The following FOXJ3 variants were observed in gnomAD, a reference collection of about 807,000 sequenced individuals.
FOXJ3 encodes the protein forkhead box J3.
Under a neutral mutation model 76.1 loss-of-function variants are expected in FOXJ3, and 22 were observed. That is an observed-to-expected ratio of 0.29 (90% CI 0.21 to 0.41). The LOEUF is 0.41. FOXJ3 is among the 10% of genes least tolerant of loss of function. The pLI, the probability that FOXJ3 is intolerant of heterozygous loss-of-function variation, is 1.00. For missense variants in FOXJ3, 613 were observed against 762.1 expected (o/e 0.80, Z 2.30); for synonymous variants, 269 against 261.2 (o/e 1.03, Z -0.29).
At chr1:42,204,783 A>G (rs559842766) in intron 6 of FOXJ3, among the ~76,000 whole-genome samples, 1 of 151,798 alleles carries the variant, frequency 6.6e-6, no homozygotes, top group South Asian at 2.1e-4. Context: ...ATGTGGGAAG[A>G]ATCATTCCTC....
intron 1 of FOXJ3, among the ~76,000 whole-genome samples, chr1:42,320,098 A>T (rs3768261): frequency 6.6e-6 from 1 of 152,274 alleles, no homozygotes; most frequent in Non-Finnish European, 1.5e-5. Context: ...CTAATAGAAG[A>T]TGAAAAAAAA....
At chr1:42,256,480 A>G (rs1202753223) in intron 4 of FOXJ3, among the ~76,000 whole-genome samples, 1 of 152,238 alleles carries the variant, frequency 6.6e-6, no homozygotes, top group African/African-American at 2.4e-5. Context: ...AAGATGCTCA[A>G]TATCAACAGC....
intron 1 of FOXJ3, among the ~76,000 whole-genome samples, chr1:42,323,003 C>T (rs1403415004): frequency 6.6e-6 from 1 of 151,970 alleles, no homozygotes; most frequent in Admixed American, 6.6e-5. Flanking sequence ...TTCTGAACAC[C>T]ACATTTTAAG....
intron 5 of FOXJ3, among the ~76,000 whole-genome samples, chr1:42,206,984 C>T (rs1557637275): frequency 6.6e-6 from 1 of 152,036 alleles, no homozygotes; most frequent in Admixed American, 6.5e-5. Flanking sequence ...GTGTGTGTCA[C>T]CACACCTGGC....
At chr1:42,327,987 G>A (rs974134167) in intron 1 of FOXJ3, among the ~76,000 whole-genome samples, 1 of 152,126 alleles carries the variant, frequency 6.6e-6, no homozygotes, top group African/African-American at 2.4e-5. Flanking sequence ...TGCAGTTTCT[G>A]GAGAGACTCT....
At chr1:42,321,446 G>A (rs1288295737) in intron 1 of FOXJ3, among the ~76,000 whole-genome samples, 1 of 151,980 alleles carries the variant, frequency 6.6e-6, no homozygotes, top group Non-Finnish European at 1.5e-5. Context: ...CTGTTTCTAA[G>A]AAGACTTCTG....
intron 4 of FOXJ3, among the ~76,000 whole-genome samples, chr1:42,257,319 A>G (rs996172749): frequency 1.3e-5 from 2 of 152,190 alleles, no homozygotes; most frequent in African/African-American, 4.8e-5. Flanking sequence ...GGAAAGTGGA[A>G]CCCAACTGAA....
At chr1:42,288,416 C>A (rs527509189) in intron 2 of FOXJ3, among the ~76,000 whole-genome samples, 1 of 152,332 alleles carries the variant, frequency 6.6e-6, no homozygotes, top group South Asian at 2.1e-4. Flanking sequence ...AGCTCACCAG[C>A]CAACATTTAC....
intron 4 of FOXJ3, among the ~76,000 whole-genome samples, chr1:42,247,955 T>A (rs546280943): frequency 2.6e-5 from 4 of 152,190 alleles, no homozygotes; most frequent in Admixed American, 1.3e-4. Flanking sequence ...CATGCTACAA[T>A]ATGGATGATC....
At chr1:42,218,066 G>T (rs1257072181) in intron 5 of FOXJ3, among the ~76,000 whole-genome samples, 1 of 152,102 alleles carries the variant, frequency 6.6e-6, no homozygotes, top group Non-Finnish European at 1.5e-5. Context: ...TTTCCCAATT[G>T]AAATAAATAT....
At chr1:42,216,894 C>G (rs183544837) in intron 5 of FOXJ3, among the ~76,000 whole-genome samples, 1 of 152,208 alleles carries the variant, frequency 6.6e-6, no homozygotes, top group Admixed American at 6.5e-5. Flanking sequence ...AGAGGTCAAA[C>G]AGAAAACAAA....
At chr1:42,180,180 A>C (rs1646289844) in intron 12 of FOXJ3, among the ~76,000 whole-genome samples, 1 of 152,228 alleles carries the variant, frequency 6.6e-6, no homozygotes, top group Non-Finnish European at 1.5e-5. Context: ...ACGTTGTTTC[A>C]GTAACATGAA....
At chr1:42,319,246 T>C (rs1238426094) in intron 1 of FOXJ3, among the ~76,000 whole-genome samples, 1 of 151,624 alleles carries the variant, frequency 6.6e-6, no homozygotes, top group Non-Finnish European at 1.5e-5. Flanking sequence ...TTTGTTTTGT[T>C]TAAAAAGTGG....
chr1:42,263,969 G>C (rs1176894786), intron 4 of FOXJ3, among the ~76,000 whole-genome samples: 2 of 105,512 alleles, frequency 1.9e-5, no homozygotes, highest in Non-Finnish European at 1.7e-5. Flanking sequence ...GAAGATTGCT[G>C]CCTACTATGT....
In FOXJ3 at chr1:42,314,417, C is replaced by T. The variant is rs371656456; in HGVS notation, c.-17-3307G>A. On this transcript the variant is annotated intron_variant, in intron 1 of 12. Transcript: ENST00000361346. ...AGGCATGCACCACCATGTCTGGCTACTTTTCTGTATTTAGTAGAGGGGGTT... is the reference window on the plus strand; with the variant it reads ...AGGCATGCACCACCATGTCTGGCTATTTTTCTGTATTTAGTAGAGGGGGTT... 9.9e-4 allele frequency among the ~76,000 whole-genome samples: 150 copies of T among 152,258 alleles called. 1 individual carries two copies. The South Asian group carries it at 0.029, about 30-fold the overall frequency.
chr1:42,296,189 GT>G (rs745364305), intron 2 of FOXJ3, among the ~76,000 whole-genome samples: 129 of 152,000 alleles, frequency 8.5e-4, no homozygotes, highest in Non-Finnish European at 1.5e-3. Context: ...AAAAGAAGCT[GT>G]TTTTTCCCCG....
chr1:42,278,128 T>C (rs1652431288), intron 3 of FOXJ3, among the ~76,000 whole-genome samples: 1 of 152,202 alleles, frequency 6.6e-6, no homozygotes, highest in Admixed American at 6.5e-5. Context: ...GCTCTTACTT[T>C]ATGCTACATC....
chr1:42,281,182 T>C (rs1652680047), intron 2 of FOXJ3, among the ~76,000 whole-genome samples: 1 of 140,240 alleles, frequency 7.1e-6, no homozygotes, highest in East Asian at 2.1e-4. Flanking sequence ...TATACATGTG[T>C]AAAGAGCTAT....
At chr1:42,213,718 C>G (rs776300205) in intron 5 of FOXJ3, among the ~76,000 whole-genome samples, 4 of 152,064 alleles carry the variant, frequency 2.6e-5, no homozygotes, top group Non-Finnish European at 4.4e-5. Context: ...ATAGAAAATA[C>G]TGTATAATTT....
Sources: gnomAD v4.1 joint callset for allele counts (sites outside exome capture counted in the v4.1 genomes callset) on GRCh38, gnomAD v4.1.1 for gene constraint, MANE v1.5 for transcripts, NCBI Gene and HGNC (gene_info 2026-07-23, HGNC 2026-07-21) for gene names.